The following ZNF780B variants were observed in gnomAD, a reference collection of about 807,000 sequenced individuals.
The protein encoded by ZNF780B is zinc finger protein 779.
In ZNF780B, 52 loss-of-function variants were observed where a neutral mutation model predicts 74.1. The ratio of observed to expected loss-of-function variants is 0.70; its 90% CI spans 0.56 to 0.88. ZNF780B has a LOEUF of 0.88. Ranked by LOEUF, ZNF780B falls within the 40% of genes least tolerant of loss-of-function variation. ZNF780B has a pLI of 0.00. For synonymous variants in ZNF780B, 315 were observed against 324.3 expected, an observed-to-expected ratio of 0.97 and a Z score of 0.31; for missense variants, 953 against 1,007.6, an observed-to-expected ratio of 0.95 and a Z score of 0.73.
At chr19:40,048,347 G>A (rs1196570653) in intron 3 of ZNF780B, among the ~76,000 whole-genome samples, 1 of 152,136 alleles carries the variant, frequency 6.6e-6, no homozygotes, top group Non-Finnish European at 1.5e-5. Flanking sequence ...CAGTAATTCT[G>A]AGATCAAACA....
Position 40,036,107 on chromosome 19 carries a change from C to T in ZNF780B, c.752G>A (p.Cys251Tyr), listed in dbSNP as rs1318204414. The T allele has an allele frequency of 2.5e-6, 4 of 1,613,534 alleles. No individual in the cohort carries two copies. Among genetic ancestry groups the T allele is most frequent in the Non-Finnish European group, 2.5e-6 (3 of 1,179,770 alleles). ...ATTAAAAGACTTCCCACATTCCTTA[C>T]ATTCAAACAGTTTCTTAACTGTGTG... The part of the protein sequence containing the change: ...NIHTVKKLFE[C>Y]KECGKSFNRS... Residue 251 changes from cysteine (C) to tyrosine (Y), a missense_variant, in exon 5 of 5, where the codon TGT (cysteine) becomes TAT (tyrosine). Physicochemically the swap from Cys to Tyr is radical, Grantham distance 194. Transcript: ENST00000434248.
intron 4 of ZNF780B, among the ~76,000 whole-genome samples, chr19:40,041,484 C>G (rs1338014180): frequency 6.6e-6 from 1 of 152,132 alleles, no homozygotes; most frequent in East Asian, 1.9e-4. Flanking sequence ...TCTCGTTGAT[C>G]TGTCTGATGT....
Position 40,035,166 on chromosome 19 carries a change from AT to A in ZNF780B, c.1692del (p.Lys564AsnfsTer103), listed in dbSNP as rs1972204145. 6.2e-7 allele frequency: 1 copy of A among 1,613,138 alleles called. No individual in the cohort carries two copies. The highest frequency in any genetic ancestry group is 1.1e-5 in the South Asian group (1 of 90,928). On this transcript the variant is annotated frameshift_variant, in exon 5 of 5. Coordinates refer to ENST00000434248, the MANE Select transcript of ZNF780B (RefSeq NM_001005851.3). LOFTEE classifies it high-confidence loss of function. Reference protein sequence around the residue: ...EKPFECKECGKFFRRGSNLNQ... With the variant: ...EKPFECKECGXFFRRGSNLNQ... ...TTAAGATTTGAACCACGACGAAAGAATTTCCCACATTCCTTACATTCAAAGG... is the reference window on the plus strand; with the variant it reads ...TTAAGATTTGAACCACGACGAAAGAATTCCCACATTCCTTACATTCAAAGG...
intron 4 of ZNF780B, among the ~76,000 whole-genome samples, chr19:40,039,033 T>G (rs940125829): frequency 1.3e-5 from 2 of 151,638 alleles, no homozygotes; most frequent in African/African-American, 4.9e-5. Context: ...TCTAGGGTTT[T>G]TATGGTTTTA....
In ZNF780B at chr19:40,035,496, G is replaced by T; in HGVS notation, c.1363C>A (p.Arg455=). ...FVCRECEMAF[R]YHYQLIQHCQ... is the part of the protein sequence containing the mutation. ...TGTTGAATAAGTTGGTAATGATATC[G>T]AAAGGCCATCTCACATTCCCTACAT... Residue 455 remains arginine (R), a synonymous_variant, in exon 5 of 5, where the codon CGA becomes AGA. Coordinates refer to ENST00000434248, the MANE Select transcript of ZNF780B (RefSeq NM_001005851.3). The T allele has an allele frequency of 6.2e-7, 1 of 1,613,900 alleles. No homozygotes were observed. The highest frequency in any genetic ancestry group is 8.5e-7 in the Non-Finnish European group (1 of 1,179,974).
Position 40,034,879 on chromosome 19 carries a change from C to G in ZNF780B, c.1980G>C (p.Gln660His). ...ATGGTTTTACACCAGCATGAATACTCTGATGTTGAACAAGGTTTGAGACAC... is the reference window on the plus strand; with the variant it reads ...ATGGTTTTACACCAGCATGAATACTGTGATGTTGAACAAGGTTTGAGACAC... ...FNRVSNLVQH[Q>H]SIHAGVKPYE... is the part of the protein sequence containing the mutation. Residue 660 changes from glutamine to histidine, a missense_variant, in exon 5 of 5, where the codon CAG becomes CAC. Coordinates refer to ENST00000434248, the MANE Select transcript of ZNF780B (RefSeq NM_001005851.3). 3 of 1,614,004 alleles carry G rather than the reference C, an allele frequency of 1.9e-6. No homozygotes were observed. The highest frequency in any genetic ancestry group is 2.5e-6 in the Non-Finnish European group (3 of 1,179,974).
chr19:40,039,990 G>A (rs1485448085), intron 4 of ZNF780B, among the ~76,000 whole-genome samples: 3 of 152,034 alleles, frequency 2.0e-5, no homozygotes, highest in Non-Finnish European at 2.9e-5. Flanking sequence ...TCTTGTGCCA[G>A]TTTTCAAAGG....
At chr19:40,038,708 GTCT>G (rs1437960386) in intron 4 of ZNF780B, among the ~76,000 whole-genome samples, 1 of 152,146 alleles carries the variant, frequency 6.6e-6, no homozygotes. Flanking sequence ...CTGCATAAAT[GTCT>G]TCTTTTGAGA....
At chr19:40,037,099 G>A (rs945187870) in intron 4 of ZNF780B, among the ~76,000 whole-genome samples, 1 of 151,982 alleles carries the variant, frequency 6.6e-6, no homozygotes, top group African/African-American at 2.4e-5. Context: ...ATTTTTAGTA[G>A]AGACGAGGTT....
Position 40,034,631 on chromosome 19 carries a change from T to C in ZNF780B, c.2228A>G (p.His743Arg). 2 of 1,614,102 alleles carry C rather than the reference T, an allele frequency of 1.2e-6. No individual in the cohort carries two copies. The highest frequency in any genetic ancestry group is 2.2e-5 in the South Asian group (2 of 91,082). ...CTTCTCACCAGTATGAATGATCTGA[T>C]GTTGAGCAAGCTGTGTCAGAAGACC... ...AFGLLTQLAQ[H>R]QIIHTGEKPF... is the part of the protein sequence containing the mutation. Residue 743 changes from histidine to arginine, a missense_variant, in exon 5 of 5, where the codon CAT (histidine) becomes CGT (arginine). Transcript: ENST00000434248.
rs1016500588 is a variant in ZNF780B at position 40,028,316 on chromosome 19, C to T, written c.*6041G>A. 2 of 152,070 alleles carry T rather than the reference C, an allele frequency of 1.3e-5. No individual in the cohort carries two copies. Among genetic ancestry groups the T allele is most frequent in the African/African-American group, 2.4e-5 (1 of 41,408 alleles). 9.4% of individuals were successfully genotyped at this position (152,070 alleles called of 1,614,324 possible). A position where few individuals can be genotyped will look rare whatever the true frequency, so the allele number is the denominator to read the frequency against. Reference sequence around the variant, plus strand: ...TGAGTTTGCAGAGCCCCCCCATCTACCATCCAGAAGTGGAACTACATATAG... The same window carrying T: ...TGAGTTTGCAGAGCCCCCCCATCTATCATCCAGAAGTGGAACTACATATAG... On this transcript the variant is annotated 3_prime_UTR_variant, in exon 5 of 5. Transcript: ENST00000434248.
rs531582932 is a variant in ZNF780B at position 40,034,378 on chromosome 19, G to C, written c.2481C>G (p.Ile827Met). The C allele has an allele frequency of 6.2e-7, 1 of 1,607,012 alleles. No individual in the cohort carries two copies. The highest frequency in any genetic ancestry group is 8.5e-7 in the Non-Finnish European group (1 of 1,175,864). The change falls in exon 5 of 5, where the codon ATC becomes ATG. Residue 827 changes from isoleucine (I) to methionine (M), a missense_variant. Transcript: ENST00000434248. ...GTTTTCACCCAAGTATGAATTTTCT[G>C]ATGTTCAGTAAGTTGCTACTGATGT... ...PSDISSNLLN[I>M]RKFILG
intron 4 of ZNF780B, among the ~76,000 whole-genome samples, chr19:40,037,801 T>C (rs769180662): frequency 6.6e-5 from 10 of 152,036 alleles, no homozygotes; most frequent in African/African-American, 2.4e-4. Flanking sequence ...CTTTCTCTTA[T>C]CTTCTTGCTT....
intron 4 of ZNF780B, among the ~76,000 whole-genome samples, chr19:40,037,495 T>C (rs1972395592): frequency 6.6e-6 from 1 of 152,114 alleles, no homozygotes; most frequent in African/African-American, 2.4e-5. Flanking sequence ...AAGCTGGTCT[T>C]GAACTCCTGG....
chr19:40,038,929 G>T (rs1330463611), intron 4 of ZNF780B, among the ~76,000 whole-genome samples: 4 of 151,878 alleles, frequency 2.6e-5, no homozygotes, highest in African/African-American at 9.7e-5. Flanking sequence ...GATCCCATTT[G>T]TCAATTTTGG....
intron 3 of ZNF780B, among the ~76,000 whole-genome samples, 155 bp from the exon 4 acceptor site, chr19:40,047,625 T>TAAAA (rs371269163): frequency 0.015 from 2,172 of 141,690 alleles, 140 homozygotes; most frequent in Admixed American, 0.13. Context: ...CAACTATGTT[T>TAAAA]AAAAAAAAAA....
At chr19:40,046,562 A>G (rs1175309331) in intron 4 of ZNF780B, among the ~76,000 whole-genome samples, 1 of 152,148 alleles carries the variant, frequency 6.6e-6, no homozygotes, top group Non-Finnish European at 1.5e-5. Context: ...GAGTACTTGA[A>G]CACTTACTTC....
In ZNF780B at chr19:40,031,050, T is replaced by C. The variant is rs1415631089; in HGVS notation, c.*3307A>G. The C allele has an allele frequency of 3.3e-5, 5 of 152,190 alleles. No individual in the cohort carries two copies. The highest frequency in any genetic ancestry group is 7.3e-5 in the Non-Finnish European group (5 of 68,038). 9.4% of individuals were successfully genotyped at this position (152,190 alleles called of 1,614,324 possible). A position where few individuals can be genotyped will look rare whatever the true frequency, so the allele number is the denominator to read the frequency against. On this transcript the variant is annotated 3_prime_UTR_variant, in exon 5 of 5. Transcript: ENST00000434248. ...AATGGTAAAAGATAGAATTAAGTAG[T>C]CTATTGAAAGAATAATCATCTGACC...
chr19:40,039,810 G>A (rs1346877274), intron 4 of ZNF780B, among the ~76,000 whole-genome samples: 1 of 151,810 alleles, frequency 6.6e-6, no homozygotes, highest in African/African-American at 2.4e-5. Context: ...GAGATTTTGG[G>A]CTGAGACAAT....
Sources: allele counts gnomAD v4.1 joint callset (sites outside exome capture counted in the v4.1 genomes callset), GRCh38; gene constraint gnomAD v4.1.1; transcripts MANE v1.5; gene names NCBI Gene and HGNC (gene_info 2026-07-23, HGNC 2026-07-21).